PCDHA11: variants seen among roughly 807,000 people sequenced by gnomAD.
The protein encoded by PCDHA11 is protocadherin alpha 11, also known as protocadherin alpha-11.
In PCDHA11, 61 loss-of-function variants were observed where a neutral mutation model predicts 70.3. That is an observed-to-expected ratio of 0.87 (90% CI 0.71 to 1.07). The LOEUF (loss-of-function observed/expected upper bound fraction) is 1.07, where lower values mean the gene tolerates loss of function less well. Among genes scored for constraint, PCDHA11 ranks in the 50% least tolerant of loss-of-function variants. PCDHA11 has a pLI of 0.00. For missense variants in PCDHA11, 1,324 were observed against 1,237.5 expected, an observed-to-expected ratio of 1.07 and a Z score of -1.05; for synonymous variants, 633 against 555.1, an observed-to-expected ratio of 1.14 and a Z score of -1.97.
intron 1 of PCDHA11, chr5:140,968,646 C>T (rs2153772882): frequency 6.2e-7 from 1 of 1,614,216 alleles, no homozygotes; most frequent in Non-Finnish European, 8.5e-7. Context: ...CTAGCCCAGA[C>T]TTCTGACCTG....
chr5:140,878,537 C>G (rs1554170454), intron 1 of PCDHA11, among the ~76,000 whole-genome samples: 2 of 152,152 alleles, frequency 1.3e-5, no homozygotes, highest in African/African-American at 4.8e-5. Flanking sequence ...GTGGCTCAAA[C>G]CAGTTTCAGA....
In PCDHA11 at chr5:141,003,361, G is replaced by A. The variant is rs2098120892; in HGVS notation, c.2540-6266G>A. Among the ~76,000 whole-genome samples the A allele has an allele frequency of 5.9e-5, 9 of 152,298 alleles. No individual in the cohort carries two copies. The South Asian group carries it at 1.9e-3, about 32-fold the overall frequency. On this transcript the variant is annotated intron_variant, in intron 3 of 3. Coordinates refer to ENST00000398640, the MANE Select transcript of PCDHA11 (RefSeq NM_018902.5). ...TTTGTTTGCTCTGTCACCCAGGCTG[G>A]AGTGCAGTGGTGCAATCTCAGCTCA...
chr5:140,986,792 A>C (rs575794573), intron 3 of PCDHA11, among the ~76,000 whole-genome samples: 1 of 152,220 alleles, frequency 6.6e-6, no homozygotes, highest in Non-Finnish European at 1.5e-5. Context: ...CCACTAAGGC[A>C]GTGAGTCTTA....
intron 1 of PCDHA11, among the ~76,000 whole-genome samples, chr5:140,895,002 A>C (rs1003440406): frequency 6.6e-6 from 1 of 152,030 alleles, no homozygotes; most frequent in Non-Finnish European, 1.5e-5. Flanking sequence ...TACCCTTTTT[A>C]CTTGGACCTT....
Position 140,974,863 on chromosome 5 carries a change from G to A in PCDHA11, c.2392-4086G>A, listed in dbSNP as rs559374442. On this transcript the variant is annotated intron_variant, in intron 1 of 3. Coordinates refer to ENST00000398640, the MANE Select transcript of PCDHA11 (RefSeq NM_018902.5). ...ATGTTATATTCCCTTTTGCCTTAAT[G>A]CGGAACAGTCTATGTATCCCTTTTC... Among the ~76,000 whole-genome samples, 14 of 152,198 alleles carry A rather than the reference G, an allele frequency of 9.2e-5. No homozygotes were observed. The South Asian group carries it at 2.9e-3, about 32-fold the overall frequency.
chr5:140,877,684 A>T, intron 1 of PCDHA11: 1 of 1,613,768 alleles, frequency 6.2e-7, no homozygotes, highest in Non-Finnish European at 8.5e-7. Context: ...GGGCAAGCCC[A>T]CGCTGGTGTG....
intron 3 of PCDHA11, among the ~76,000 whole-genome samples, chr5:140,998,021 C>T (rs2097794085): frequency 6.6e-6 from 1 of 152,152 alleles, no homozygotes; most frequent in Non-Finnish European, 1.5e-5. Context: ...CCACCTCGAG[C>T]TAGTGCTATA....
At chr5:141,007,030 A>G (rs1554261014) in intron 3 of PCDHA11, among the ~76,000 whole-genome samples, 1 of 152,186 alleles carries the variant, frequency 6.6e-6, no homozygotes, top group African/African-American at 2.4e-5. Flanking sequence ...TATGGTATTT[A>G]TATCTATGGA....
At chr5:140,889,160 A>T (rs1582978614) in intron 1 of PCDHA11, among the ~76,000 whole-genome samples, 1 of 151,778 alleles carries the variant, frequency 6.6e-6, no homozygotes, top group Middle Eastern at 3.4e-3. Context: ...TTCTTTGTTA[A>T]GTATTCAAGT....
rs1472597239 is a variant in PCDHA11, at chr5:140,928,524, TG to T, written c.2392-50424del. 16 of 1,614,070 alleles carry T rather than the reference TG, an allele frequency of 9.9e-6. No individual in the cohort carries two copies. The African/African-American group carries it at 2.1e-4, about 22-fold the overall frequency. On this transcript the variant is annotated intron_variant, in intron 1 of 3. Transcript: ENST00000398640. Reference sequence around the variant, plus strand: ...GTGCAACAGTGACTATAAACTTGTTTGTGGTAGATAGGAATGACAATTATCC... The same window carrying T: ...GTGCAACAGTGACTATAAACTTGTTTTGGTAGATAGGAATGACAATTATCC...
chr5:140,893,530 A>G (rs2064036357), intron 1 of PCDHA11, among the ~76,000 whole-genome samples: 1 of 152,056 alleles, frequency 6.6e-6, no homozygotes, highest in South Asian at 2.1e-4. Context: ...TCCTTTAAGT[A>G]TTTCTTGTAG....
At chr5:140,980,475 C>G (rs538255137) in intron 2 of PCDHA11, among the ~76,000 whole-genome samples, 10 of 152,148 alleles carry the variant, frequency 6.6e-5, no homozygotes, top group African/African-American at 2.2e-4. Context: ...ACTAAAAATA[C>G]AAAAATTAGC....
intron 3 of PCDHA11, among the ~76,000 whole-genome samples, chr5:141,003,892 C>T (rs1401621234): frequency 6.6e-6 from 1 of 152,124 alleles, no homozygotes; most frequent in South Asian, 2.1e-4. Context: ...TCTTAACAGG[C>T]CCATTCATTT....
At chr5:140,925,866 G>A (rs952823745) in intron 1 of PCDHA11, among the ~76,000 whole-genome samples, 2 of 152,002 alleles carry the variant, frequency 1.3e-5, no homozygotes, top group Admixed American at 1.3e-4. Flanking sequence ...TATTGCTATT[G>A]ACTGGTTTAT....
At chr5:140,928,711 A>C in intron 1 of PCDHA11, 1 of 1,614,098 alleles carries the variant, frequency 6.2e-7, no homozygotes, top group South Asian at 1.1e-5. Flanking sequence ...GTCTGACTCT[A>C]GTCTCTTTAG....
chr5:140,888,270 G>A (rs965190959), intron 1 of PCDHA11, among the ~76,000 whole-genome samples: 9 of 152,102 alleles, frequency 5.9e-5, no homozygotes. Flanking sequence ...ATAAGAAACA[G>A]TTTTGTCCCC....
chr5:140,921,705 G>C (rs2080339656), intron 1 of PCDHA11, among the ~76,000 whole-genome samples: 1 of 152,042 alleles, frequency 6.6e-6, no homozygotes, highest in Non-Finnish European at 1.5e-5. Context: ...ATTTTAAACA[G>C]TAAACACACG....
chr5:141,005,701 C>CAAAAAAAA (rs59860837), intron 3 of PCDHA11, among the ~76,000 whole-genome samples: 3 of 7,792 alleles, frequency 3.9e-4, no homozygotes, highest in East Asian at 6.4e-3. Flanking sequence ...AACTCCGTCT[C>CAAAAAAAA]AAAAAAAAAA....
At chr5:140,947,083 A>G (rs1268359945) in intron 1 of PCDHA11, among the ~76,000 whole-genome samples, 2 of 151,728 alleles carry the variant, frequency 1.3e-5, no homozygotes, top group Non-Finnish European at 3.0e-5. Context: ...TTGAAACATC[A>G]GACTGTAGCC....
Sources: gnomAD v4.1 joint callset for allele counts (sites outside exome capture counted in the v4.1 genomes callset) on GRCh38, gnomAD v4.1.1 for gene constraint, MANE v1.5 for transcripts, NCBI Gene and HGNC (gene_info 2026-07-23, HGNC 2026-07-21) for gene names.